Variants in LTBP4 observed in about 807,000 individuals in gnomAD.
LTBP4 encodes latent transforming growth factor beta binding protein 4, also known as latent-transforming growth factor beta-binding protein 4.
Under a neutral mutation model 180.2 loss-of-function variants are expected in LTBP4, and 93 were observed. That is an observed-to-expected ratio of 0.52 (90% confidence interval 0.44 to 0.61). The LOEUF (loss-of-function observed/expected upper bound fraction) is 0.61. Ranked by LOEUF, LTBP4 falls within the 20% of genes least tolerant of loss-of-function variation. The pLI, the probability that LTBP4 is intolerant of heterozygous loss-of-function variation, is 0.00. For missense variants in LTBP4, 2,116 were observed against 2,256.5 expected, an observed-to-expected ratio of 0.94 and a Z score of 1.26; for synonymous variants, 947 against 934.5, an observed-to-expected ratio of 1.01 and a Z score of -0.24.
Position 40,629,223 on chromosome 19 carries a change from A to C in LTBP4, c.4520-173A>C. On this transcript the variant is annotated intron_variant, in intron 29 of 29. Coordinates refer to ENST00000396819, the MANE Select transcript of LTBP4 (RefSeq NM_001042545.2). The surrounding 1 kb of genome is among the most constrained non-coding windows in gnomAD (Gnocchi z 4.5). ...ATCTTACAGAACACGAAACTGAAGC[A>C]CAGTGAGGTTAAGCCACCTGGCCGG... 1 of 693,608 alleles carries C rather than the reference A, an allele frequency of 1.4e-6. No homozygotes were observed. Among genetic ancestry groups the C allele is most frequent in the Non-Finnish European group, 2.5e-6 (1 of 406,648 alleles). 43.0% of individuals were successfully genotyped at this position (693,608 alleles called of 1,614,324 possible).
Position 40,608,369 on chromosome 19 carries a change from G to A in LTBP4, c.1306G>A (p.Gly436Ser). ...GCCAGCCACCTCTCGGCCATCTGCAGGTGAGCTGGCTCTGGCAGAAGTGGG... is the reference window on the plus strand; with the variant it reads ...GCCAGCCACCTCTCGGCCATCTGCAAGTGAGCTGGCTCTGGCAGAAGTGGG... The part of the protein sequence containing the change: ...TLPATSRPSA[G>S]FLPTHRLEPR... The change falls in exon 8 of 30, where the codon GGC (glycine) becomes AGC (serine). Residue 436 changes from glycine (G) to serine (S), a missense_variant and splice_region_variant. Physicochemically the swap from Gly to Ser is moderately conservative, Grantham distance 56. Transcript: ENST00000396819. The A allele has an allele frequency of 6.2e-7, 1 of 1,612,102 alleles. No individual in the cohort carries two copies. The highest frequency in any genetic ancestry group is 8.5e-7 in the Non-Finnish European group (1 of 1,178,952).
rs1388582769 is a variant in LTBP4 at position 40,611,956 on chromosome 19, A to G, written c.2151A>G (p.Gln717=). 1 of 1,611,606 alleles carries G rather than the reference A, an allele frequency of 6.2e-7. No homozygotes were observed. The highest frequency in any genetic ancestry group is 8.5e-7 in the Non-Finnish European group (1 of 1,178,840). The change falls in exon 14 of 30, where the codon CAA becomes CAG. Residue 717 remains glutamine (Q), a synonymous_variant. Transcript: ENST00000396819. The surrounding 1 kb of genome is among the most constrained non-coding windows in gnomAD (Gnocchi z 4.4). ...AGTGTGTCTGCCCCATGGGCTTCCA[A>G]CCCAACACTGCTGGCTCCGAGTGCG... is the stretch of plus-strand genomic sequence containing the variant. ...SFQCVCPMGF[Q]PNTAGSECED... is the part of the protein sequence containing the mutation.
upstream of LTBP4, chr19:40,598,710 A>AC (rs199921978): frequency 3.8e-3 from 871 of 230,192 alleles, 15 homozygotes; most frequent in African/African-American, 0.018. Flanking sequence ...ACCCTGCTGG[A>AC]CCCACAGTCA....
chr19:40,599,996 G>A (rs1326331058), upstream of LTBP4: 5 of 771,092 alleles, frequency 6.5e-6, no homozygotes, highest in Non-Finnish European at 9.2e-6. Context: ...ACATTTTCCT[G>A]GCATGGAGGC....
intron 19 of LTBP4, among the ~76,000 whole-genome samples, chr19:40,616,677 C>T (rs1258215830): frequency 1.3e-5 from 2 of 152,216 alleles, no homozygotes; most frequent in African/African-American, 4.8e-5. Flanking sequence ...TTGCAGTGAG[C>T]TGAGATTGAG....
rs1051440 is a variant in LTBP4 at position 40,627,774 on chromosome 19, G to A, written c.4436G>A (p.Gly1479Asp). ...ECGILDGCTN[G>D]RCVRVPEGFT... ...GGGATCCTGGACGGCTGCACCAACG[G>A]CCGCTGCGTGCGCGTCCCCGAAGGC... Residue 1479 changes from glycine to aspartate, a missense_variant, in exon 29 of 30, where the codon GGC (glycine) becomes GAC (aspartate). Physicochemically the swap from Gly to Asp is moderately conservative, Grantham distance 94. Transcript: ENST00000396819. The A allele has an allele frequency of 6.3e-7, 1 of 1,578,686 alleles. No homozygotes were observed. The highest frequency in any genetic ancestry group is 1.2e-5 in the South Asian group (1 of 86,534).
At chr19:40,594,277 C>G (rs1332245581) in intron 1 of LTBP4, among the ~76,000 whole-genome samples, 1 of 150,140 alleles carries the variant, frequency 6.7e-6, no homozygotes, top group Non-Finnish European at 1.5e-5. Flanking sequence ...GTGGAAGATT[C>G]TGGAATGCGG....
At chr19:40,625,298 A>ATT (rs2081623318) in intron 26 of LTBP4, among the ~76,000 whole-genome samples, 21 of 10,064 alleles carry the variant, frequency 2.1e-3, no homozygotes, top group Non-Finnish European at 2.7e-3. Flanking sequence ...ATATATATAT[A>ATT]TATATATATA....
intron 22 of LTBP4, among the ~76,000 whole-genome samples, chr19:40,621,455 C>T (rs889883776): frequency 1.3e-4 from 20 of 152,172 alleles, no homozygotes; most frequent in Non-Finnish European, 2.5e-4. Context: ...GACATGATTT[C>T]ATTCTTTTTC....
intron 1 of LTBP4, among the ~76,000 whole-genome samples, chr19:40,604,238 G>T (rs896808147): frequency 4.6e-5 from 7 of 151,994 alleles, no homozygotes; most frequent in African/African-American, 1.7e-4. Context: ...AGAATCCCGC[G>T]GGTAGAAGGT....
intron 6 of LTBP4, 86 bp from the exon 7 acceptor site, chr19:40,607,279 C>CCCCCCAACCAA: frequency 1.8e-6 from 2 of 1,126,374 alleles, no homozygotes; most frequent in Non-Finnish European, 1.3e-6. Flanking sequence ...CCCCCAACCC[C>CCCCCCAACCAA]AGAACCATTC....
At position 40,605,964 on chromosome 19, in the gene LTBP4, C is replaced by A; in HGVS notation, c.793+133C>A. On this transcript the variant is annotated intron_variant, in intron 4 of 29. Coordinates refer to ENST00000396819, the MANE Select transcript of LTBP4 (RefSeq NM_001042545.2). The surrounding 1 kb of genome is among the most constrained non-coding windows in gnomAD (Gnocchi z 5.5). ...CCTACCCCATTGTGGAGGCGACTTC[C>A]AGTCCTGAGCTTTTCATACCGCTCT... 1 of 1,054,592 alleles carries A rather than the reference C, an allele frequency of 9.5e-7. No homozygotes were observed. The highest frequency in any genetic ancestry group is 1.3e-6 in the Non-Finnish European group (1 of 742,962). 65.3% of individuals were successfully genotyped at this position (1,054,592 alleles called of 1,614,324 possible). A position where few individuals can be genotyped will look rare whatever the true frequency, so the allele number is the denominator to read the frequency against.
Position 40,617,199 on chromosome 19 carries a change from G to T in LTBP4, c.3044G>T (p.Gly1015Val). Reference sequence around the variant, plus strand: ...TGCCTCTGTGACCAGGGTTACGAGGGGGCACGGGATGGGCGTCACTGCGTG... The same window carrying T: ...TGCCTCTGTGACCAGGGTTACGAGGTGGCACGGGATGGGCGTCACTGCGTG... ...FQCLCDQGYE[G>V]ARDGRHCVDV... is the part of the protein sequence containing the mutation. Residue 1015 changes from glycine to valine, a missense_variant, in exon 21 of 30, where the codon GGG becomes GTG. Gly to Val is a moderately radical substitution (Grantham distance 109). Around this residue, in one of 5 missense-constraint regions of LTBP4, gnomAD observed 278 missense variants for 373.0 expected, o/e 0.75. Transcript: ENST00000396819. The T allele has an allele frequency of 6.2e-7, 1 of 1,613,858 alleles. No homozygotes were observed.
Position 40,614,374 on chromosome 19 carries a change from T to C in LTBP4, c.2740T>C (p.Ser914Pro). 1.9e-6 allele frequency: 3 copies of C among 1,600,420 alleles called. No homozygotes were observed. The highest frequency in any genetic ancestry group is 2.5e-6 in the Non-Finnish European group (3 of 1,179,778). The change falls in exon 19 of 30, where the codon TCT becomes CCT. Residue 914 changes from serine (S) to proline (P), a missense_variant. Around this residue, in one of 5 missense-constraint regions of LTBP4, gnomAD observed 877 missense variants for 873.6 expected, o/e 1.00. Transcript: ENST00000396819. ...ALCGSQRCEN[S>P]PGSYRCVRDC... ...GTGCGGGTCGCAGCGCTGTGAGAAC[T>C]CTCCCGGCTCCTACCGCTGTGTCCG...
chr19:40,607,642 C>G, intron 7 of LTBP4, 113 bp downstream of exon 7: 1 of 1,242,852 alleles, frequency 8.0e-7, no homozygotes, highest in Non-Finnish European at 1.1e-6. Context: ...GGGCTCCAGC[C>G]TTGGCCACGC....
At position 40,629,570 on chromosome 19, in the gene LTBP4, G is replaced by T; in HGVS notation, c.*20G>T. The T allele has an allele frequency of 1.5e-6, 2 of 1,356,758 alleles. No individual in the cohort carries two copies. The highest frequency in any genetic ancestry group is 1.9e-6 in the Non-Finnish European group (2 of 1,057,906). The allele number at this position is 1,356,758 out of a possible 1,614,324, so 84.0% of individuals were successfully genotyped here. ...GCCTGAGCCCTGGCACCCGCTGGCC[G>T]CCCACCCGCGCCCGCCACTCGGGGC... On this transcript the variant is annotated 3_prime_UTR_variant, in exon 30 of 30. Transcript: ENST00000396819. The surrounding 1 kb of genome is among the most constrained non-coding windows in gnomAD (Gnocchi z 4.5).
At position 40,604,903 on chromosome 19, in the gene LTBP4, G is replaced by A. The variant is rs538570719; in HGVS notation, c.251-132G>A. 1.0e-4 allele frequency: 78 copies of A among 768,104 alleles called. No homozygotes were observed. In the South Asian group the frequency reaches 1.4e-3, roughly 14 times the overall value. The allele number at this position is 768,104 out of a possible 1,614,324, so 47.6% of individuals were successfully genotyped here. A position where few individuals can be genotyped will look rare whatever the true frequency, so the allele number is the denominator to read the frequency against. On this transcript the variant is annotated intron_variant, in intron 1 of 29. Transcript: ENST00000396819. Reference sequence around the variant, plus strand: ...CTGGACTGGGCCAATGCTGATGCCAGAATTGGGGCGGGGCCACATGACAGC... The same window carrying A: ...CTGGACTGGGCCAATGCTGATGCCAAAATTGGGGCGGGGCCACATGACAGC...
intron 1 of LTBP4, among the ~76,000 whole-genome samples, chr19:40,594,935 T>TG (rs1487226866): frequency 2.0e-5 from 2 of 101,736 alleles, no homozygotes; most frequent in Non-Finnish European, 4.1e-5. Context: ...GAGTGGGGGG[T>TG]GGGGGGTGCA....
At chr19:40,615,077 T>C (rs1161137525) in intron 19 of LTBP4, among the ~76,000 whole-genome samples, 3 of 152,024 alleles carry the variant, frequency 2.0e-5, no homozygotes, top group Admixed American at 6.6e-5. Flanking sequence ...CCCTTGCCTT[T>C]TCTTACTTTC....
Sources: gnomAD v4.1 joint callset for allele counts (sites outside exome capture counted in the v4.1 genomes callset) on GRCh38, gnomAD v4.1.1 for gene constraint, gnomAD v4.1.1 regional missense constraint, Gnocchi (gnomAD v3.1) non-coding constraint, MANE v1.5 for transcripts, NCBI Gene and HGNC (gene_info 2026-07-23, HGNC 2026-07-21) for gene names.